Variants in LARP7 observed in about 807,000 individuals in gnomAD.
The protein encoded by LARP7 is la-related protein 7.
A neutral mutation model predicts 69.3 loss-of-function variants in LARP7; 52 were observed. The ratio of observed to expected loss-of-function variants is 0.75; its 90% CI spans 0.60 to 0.95. The LOEUF (loss-of-function observed/expected upper bound fraction) is 0.95, where lower values mean the gene tolerates loss of function less well. Ranked by LOEUF, LARP7 falls within the 40% of genes least tolerant of loss-of-function variation. LARP7 has a pLI of 0.00. For synonymous variants in LARP7, 254 were observed against 215.9 expected, an observed-to-expected ratio of 1.18 and a Z score of -1.55; for missense variants, 733 against 673.0, an observed-to-expected ratio of 1.09 and a Z score of -0.99.
rs1490268113 is a variant in LARP7, at chr4:112,646,979, AAAAAGAAAG to A, written c.552+33_553-38del. 7 of 1,568,642 alleles carry A rather than the reference AAAAAGAAAG, an allele frequency of 4.5e-6. No individual in the cohort carries two copies. In the African/African-American group the frequency reaches 1.1e-4, roughly 24 times the overall value. On this transcript the variant is annotated intron_variant, in intron 5 of 12. Transcript: ENST00000344442. The stretch of plus-strand genomic sequence containing the variant: ...AGGTAAGTCCAGATCCTAAAAAAAA[AAAAAGAAAG>A]AAAAGAAAACAAGTATTAAAATAGT...
At chr4:112,653,030 T>G in intron 10 of LARP7, 47 bp from the exon 11 acceptor site, 1 of 1,452,858 alleles carries the variant, frequency 6.9e-7, no homozygotes, top group Non-Finnish European at 9.3e-7. Flanking sequence ...AGAATTATTG[T>G]GAAACTTTTT....
intron 1 of LARP7, among the ~76,000 whole-genome samples, chr4:112,641,945 T>C (rs182302968): frequency 6.5e-4 from 99 of 152,100 alleles, no homozygotes; most frequent in African/African-American, 2.2e-3. Flanking sequence ...AGAATGAGTG[T>C]GTAAATGAGA....
intron 1 of LARP7, among the ~76,000 whole-genome samples, chr4:112,638,937 C>A (rs1407041467): frequency 6.6e-6 from 1 of 152,164 alleles, no homozygotes; most frequent in African/African-American, 2.4e-5. Context: ...GCATGGACTT[C>A]AGATTAAGAA....
rs771596476 is a variant in LARP7 at position 112,649,531 on chromosome 4, G to A, written c.1143-4G>A. ...ATCTGTTATCACCATTTCTTTCCTT[G>A]TAGGAGCGAATGGATGGATTTGAAA... On this transcript the variant is annotated splice_region_variant and splice_polypyrimidine_tract_variant and intron_variant, in intron 8 of 12. Coordinates refer to ENST00000344442, the MANE Select transcript of LARP7 (RefSeq NM_016648.4). 1 of 1,589,456 alleles carries A rather than the reference G, an allele frequency of 6.3e-7. No homozygotes were observed. Among genetic ancestry groups the A allele is most frequent in the Non-Finnish European group, 8.6e-7 (1 of 1,169,154 alleles).
rs771193812 is a variant in LARP7 at position 112,647,334 on chromosome 4, C to G, written c.782C>G (p.Ser261Cys). 6.8e-6 allele frequency: 11 copies of G among 1,614,062 alleles called. No homozygotes were observed. The highest frequency in any genetic ancestry group is 6.7e-5 in the Admixed American group (4 of 60,022). ...AGATCCAGACCCACATCTGAGGGCT[C>G]TGACATTGAGTCCACTGAACCCCAA... ...MKRSRPTSEGSDIESTEPQKQ... is the reference protein window; with the variant it reads ...MKRSRPTSEGCDIESTEPQKQ... Residue 261 changes from serine (S) to cysteine (C), a missense_variant, in exon 7 of 13, where the codon TCT becomes TGT. By Grantham distance (112) the Ser-to-Cys change is moderately radical (BLOSUM62 -1). Transcript: ENST00000344442.
intron 12 of LARP7, among the ~76,000 whole-genome samples, chr4:112,656,541 C>CATTGG (rs2048963292): frequency 1.3e-5 from 2 of 152,170 alleles, no homozygotes; most frequent in Non-Finnish European, 2.9e-5. Context: ...GTAGTATGCC[C>CATTGG]TATGATTTTG....
intron 1 of LARP7, chr4:112,644,450 G>A: frequency 1.7e-6 from 2 of 1,180,758 alleles, no homozygotes; most frequent in South Asian, 2.4e-5. Context: ...TGTTTTAAAA[G>A]GTACAAAGAA....
intron 10 of LARP7, among the ~76,000 whole-genome samples, chr4:112,651,658 T>G (rs1018057178): frequency 1.3e-5 from 2 of 152,174 alleles, no homozygotes; most frequent in East Asian, 3.8e-4. Context: ...ATCCAGTTAG[T>G]AGTTACTTAC....
At chr4:112,648,793 T>G (rs901187753) in intron 8 of LARP7, 1 of 245,192 alleles carries the variant, frequency 4.1e-6, no homozygotes, top group African/African-American at 2.2e-5. Context: ...ACAAGGGCCT[T>G]TTGTTATTTT....
intron 12 of LARP7, 98 bp from the exon 13 acceptor site, chr4:112,657,149 A>G: frequency 5.8e-6 from 3 of 519,316 alleles, no homozygotes. Context: ...GATAGCTGTG[A>G]AATTTTTTCT....
chr4:112,646,276 G>A (rs757042502), intron 2 of LARP7, 75 bp from the exon 3 acceptor site: 16 of 730,232 alleles, frequency 2.2e-5, no homozygotes, highest in Non-Finnish European at 2.7e-5. Flanking sequence ...GAGGGCCTGA[G>A]GGGCAGGTTA....
At position 112,647,363 on chromosome 4, in the gene LARP7, C is replaced by T; in HGVS notation, c.811C>T (p.Gln271Ter). ...SDIESTEPQK[Q>*]CSKKKKKRDR... The stretch of plus-strand genomic sequence containing the variant: ...CATTGAGTCCACTGAACCCCAAAAG[C>T]AGTGCTCAAAGAAAAAGAAAAAACG... Residue 271 changes from glutamine (Q) to a stop codon, truncating the protein, a stop_gained, in exon 7 of 13, where the codon CAG becomes TAG. Coordinates refer to ENST00000344442, the MANE Select transcript of LARP7 (RefSeq NM_016648.4). LOFTEE classifies it high-confidence loss of function. The T allele has an allele frequency of 1.2e-6, 2 of 1,613,982 alleles. No individual in the cohort carries two copies. Among genetic ancestry groups the T allele is most frequent in the African/African-American group, 1.3e-5 (1 of 75,006 alleles).
chr4:112,656,729 G>T (rs2048971360), intron 12 of LARP7, among the ~76,000 whole-genome samples: 1 of 152,088 alleles, frequency 6.6e-6, no homozygotes, highest in Admixed American at 6.5e-5. Context: ...AACATCTTTG[G>T]ATTTTAATTC....
intron 11 of LARP7, 86 bp downstream of exon 11, chr4:112,653,322 G>GT (rs1331034655): frequency 0.15 from 120,732 of 826,752 alleles, 1 homozygote; most frequent in South Asian, 0.17. Context: ...AATGAAACTA[G>GT]TTTTTTTTTT....
Position 112,647,713 on chromosome 4 carries a change from G to A in LARP7, c.1021G>A (p.Glu341Lys). The A allele has an allele frequency of 1.3e-6, 2 of 1,544,354 alleles. No individual in the cohort carries two copies. Among genetic ancestry groups the A allele is most frequent in the Admixed American group, 2.1e-5 (1 of 48,016 alleles). The change falls in exon 8 of 13, where the codon GAA (glutamate) becomes AAA (lysine). Residue 341 changes from glutamate to lysine, a missense_variant. By Grantham distance (56) the Glu-to-Lys change is moderately conservative (BLOSUM62 1). Transcript: ENST00000344442. ...NRDIEISTEE[E>K]KDTGDLKDSS... is the part of the protein sequence containing the mutation. ...AGATATAGAAATCTCTACTGAAGAGGAAAAGGATACTGGAGATCTAAAAGA... is the reference window on the plus strand; with the variant it reads ...AGATATAGAAATCTCTACTGAAGAGAAAAAGGATACTGGAGATCTAAAAGA...
chr4:112,655,241 G>C (rs2048909535), intron 12 of LARP7: 2 of 152,154 alleles, frequency 1.3e-5, no homozygotes, highest in African/African-American at 2.4e-5. Context: ...ATCCAGAACT[G>C]GTAACTGAAG....
At chr4:112,649,506 A>T (rs2048602754) in intron 8 of LARP7, 29 bp from the exon 9 acceptor site, 9 of 1,541,136 alleles carry the variant, frequency 5.8e-6, no homozygotes, top group Non-Finnish European at 7.0e-6. Flanking sequence ...ATATTTAGTC[A>T]TCTGTTATCA....
intron 1 of LARP7, 108 bp downstream of exon 1, chr4:112,637,347 C>T (rs1225585688): frequency 6.6e-6 from 1 of 152,308 alleles, no homozygotes; most frequent in Non-Finnish European, 1.5e-5. Context: ...TCTTACCCCG[C>T]CCCCCCGTCC....
intron 12 of LARP7, among the ~76,000 whole-genome samples, chr4:112,655,814 A>G (rs186969705): frequency 1.9e-3 from 293 of 152,348 alleles, no homozygotes; most frequent in Non-Finnish European, 3.5e-3. Context: ...AAGACCCATA[A>G]GGAAGTGAGC....
Sources: allele counts gnomAD v4.1 joint callset (sites outside exome capture counted in the v4.1 genomes callset), GRCh38; gene constraint gnomAD v4.1.1; transcripts MANE v1.5; gene names NCBI Gene and HGNC (gene_info 2026-07-23, HGNC 2026-07-21).